PRRC1: variants seen among roughly 807,000 people sequenced by gnomAD.
PRRC1 encodes the protein proline rich coiled-coil 1, also known as protein PRRC1.
A neutral mutation model predicts 40.7 loss-of-function variants in PRRC1; 39 were observed. That is an observed-to-expected ratio of 0.96 (90% CI 0.74 to 1.25). The LOEUF (loss-of-function observed/expected upper bound fraction) is 1.25. Among genes scored for constraint, PRRC1 ranks in the 50% most tolerant of loss-of-function variants. The pLI, the probability that PRRC1 is intolerant of heterozygous loss-of-function variation, is 0.00. For missense variants in PRRC1, 573 were observed against 548.3 expected (o/e 1.05, Z -0.45); for synonymous variants, 175 against 193.3 (o/e 0.91, Z 0.79).
rs751989567 is a variant in PRRC1, at chr5:127,523,587, A to C, written c.103+5A>C. On this transcript the variant is annotated splice_donor_5th_base_variant and intron_variant, in intron 2 of 8. Transcript: ENST00000296666. ...CTTCTACCCCTGTTCCATTAGGTACATGTAGTTGTCTAACATCTCGTGTGT... is the reference window on the plus strand; with the variant it reads ...CTTCTACCCCTGTTCCATTAGGTACCTGTAGTTGTCTAACATCTCGTGTGT... 1 of 1,567,782 alleles carries C rather than the reference A, an allele frequency of 6.4e-7. No individual in the cohort carries two copies. The highest frequency in any genetic ancestry group is 8.7e-7 in the Non-Finnish European group (1 of 1,151,280).
In PRRC1 at chr5:127,551,968, T is replaced by G. The variant is rs1768401221; in HGVS notation, c.*52T>G. On this transcript the variant is annotated 3_prime_UTR_variant, in exon 9 of 9. Coordinates refer to ENST00000296666, the MANE Select transcript of PRRC1 (RefSeq NM_130809.5). ...CTTTCCCCCACTTTTAGCTTGATGT[T>G]AAAGAAGTGGTTGTACCTTCCTAAA... The G allele has an allele frequency of 6.2e-7, 1 of 1,609,242 alleles. No individual in the cohort carries two copies. Among genetic ancestry groups the G allele is most frequent in the African/African-American group, 1.3e-5 (1 of 74,834 alleles).
chr5:127,531,617 C>CTTTTTTTTTTTTTTTTTTTT (rs60179366), intron 5 of PRRC1, among the ~76,000 whole-genome samples: 17 of 99,678 alleles, frequency 1.7e-4, no homozygotes, highest in African/African-American at 7.9e-4. Flanking sequence ...TCTTCTTCTT[C>CTTTTTTTTTTTTTTTTTTTT]TTTTTTTTTT....
At chr5:127,540,772 C>A (rs1410474727) in intron 7 of PRRC1, among the ~76,000 whole-genome samples, 1 of 152,100 alleles carries the variant, frequency 6.6e-6, no homozygotes, top group Non-Finnish European at 1.5e-5. Context: ...ATGTCCTTCG[C>A]CCACTTTTTG....
intron 7 of PRRC1, among the ~76,000 whole-genome samples, chr5:127,543,194 A>G (rs1293318650): frequency 1.3e-5 from 2 of 152,174 alleles, no homozygotes; most frequent in Non-Finnish European, 2.9e-5. Context: ...AATGTTGAAT[A>G]TTGGCCCCCA....
intron 3 of PRRC1, among the ~76,000 whole-genome samples, chr5:127,525,758 A>T (rs2127092795): frequency 6.6e-6 from 1 of 152,248 alleles, no homozygotes; most frequent in South Asian, 2.1e-4. Flanking sequence ...TGATTTTTTT[A>T]TGTGATATAC....
Position 127,530,334 on chromosome 5 carries a change from A to C in PRRC1, c.695A>C (p.Lys232Thr). 1 of 1,613,996 alleles carries C rather than the reference A, an allele frequency of 6.2e-7. No individual in the cohort carries two copies. The highest frequency in any genetic ancestry group is 8.5e-7 in the Non-Finnish European group (1 of 1,179,934). ...GNPMVKSVLD[K>T]TKHSVESMIT... is the part of the protein sequence containing the mutation. ...CCTATGGTGAAGTCTGTGCTTGATA[A>C]GACAAAACATTCAGTAGAAAGCATG... is the stretch of plus-strand genomic sequence containing the variant. The change falls in exon 5 of 9, where the codon AAG becomes ACG. Residue 232 changes from lysine (K) to threonine (T), a missense_variant. Coordinates refer to ENST00000296666, the MANE Select transcript of PRRC1 (RefSeq NM_130809.5).
chr5:127,544,915 C>T lies in PRRC1; in HGVS notation c.1026-2904C>T, dbSNP rs192071897. On this transcript the variant is annotated intron_variant, in intron 7 of 8. Transcript: ENST00000296666. Reference sequence around the variant, plus strand: ...TCCTGGGCCCACTGTCTGGCACTCCCTAGTGAGATGAACCTGGTACCTCAG... The same window carrying T: ...TCCTGGGCCCACTGTCTGGCACTCCTTAGTGAGATGAACCTGGTACCTCAG... Among the ~76,000 whole-genome samples, 102 of 152,332 alleles carry T rather than the reference C, an allele frequency of 6.7e-4. 2 individuals are homozygous for T. Among genetic ancestry groups the T allele is most frequent in the Non-Finnish European group, 2.5e-4 (17 of 68,026 alleles).
At chr5:127,547,684 G>A (rs1259079466) in intron 7 of PRRC1, 135 bp from the exon 8 acceptor site, 1 of 508,056 alleles carries the variant, frequency 2.0e-6, no homozygotes, top group Admixed American at 3.7e-5. Flanking sequence ...TTGTCCTTTT[G>A]CAAGTTGGTA....
intron 6 of PRRC1, among the ~76,000 whole-genome samples, chr5:127,536,108 C>T (rs1767893927): frequency 6.6e-6 from 1 of 151,922 alleles, no homozygotes; most frequent in Admixed American, 6.6e-5. Flanking sequence ...GTGGTCTGTC[C>T]TTACACACAG....
intron 4 of PRRC1, among the ~76,000 whole-genome samples, chr5:127,528,807 C>T (rs10045436): frequency 3.9e-5 from 6 of 152,246 alleles, no homozygotes; most frequent in South Asian, 2.1e-4. Flanking sequence ...TCCAGCTACT[C>T]AATGGAGTAT....
chr5:127,545,538 A>T (rs1768192750), intron 7 of PRRC1, among the ~76,000 whole-genome samples: 1 of 151,312 alleles, frequency 6.6e-6, no homozygotes, highest in Admixed American at 6.6e-5. Flanking sequence ...TCACAAGGAC[A>T]AAAAACCAAA....
Position 127,551,904 on chromosome 5 carries a change from C to CTGTGAG in PRRC1, c.1326_1327insTGTGAG (p.Pro442_Arg443insCysGlu). ...GCATGTATAAACAGCGCCTGCCACC[C>CTGTGAG]AGGACAGTGTGAGAGGAGACCTACC... On this transcript the variant is annotated inframe_insertion, in exon 9 of 9. Coordinates refer to ENST00000296666, the MANE Select transcript of PRRC1 (RefSeq NM_130809.5). The CTGTGAG allele has an allele frequency of 6.2e-7, 1 of 1,614,046 alleles. No individual in the cohort carries two copies. Among genetic ancestry groups the CTGTGAG allele is most frequent in the Non-Finnish European group, 8.5e-7 (1 of 1,179,972 alleles).
chr5:127,545,124 A>C (rs1768176767), intron 7 of PRRC1, among the ~76,000 whole-genome samples: 1 of 152,120 alleles, frequency 6.6e-6, no homozygotes, highest in South Asian at 2.1e-4. Flanking sequence ...AATCATTAAA[A>C]AGTCAGGAAA....
At chr5:127,543,102 T>G (rs1768098683) in intron 7 of PRRC1, among the ~76,000 whole-genome samples, 1 of 151,858 alleles carries the variant, frequency 6.6e-6, no homozygotes, top group Admixed American at 6.6e-5. Flanking sequence ...TGCTTGTCTG[T>G]AAAGTATTTT....
At chr5:127,522,897 A>G (rs1767497295) in intron 1 of PRRC1, among the ~76,000 whole-genome samples, 1 of 152,016 alleles carries the variant, frequency 6.6e-6, no homozygotes, top group South Asian at 2.1e-4. Flanking sequence ...CAGCCTCCCA[A>G]AGTCCTGGGA....
intron 7 of PRRC1, among the ~76,000 whole-genome samples, chr5:127,544,412 G>C (rs1001358872): frequency 1.3e-5 from 2 of 152,208 alleles, no homozygotes. Context: ...CTTCAAAGCT[G>C]TCAGACAGGG....
rs764193190 is a variant in PRRC1, at chr5:127,551,893, C to T, written c.1315C>T (p.Arg439Cys). 3.0e-5 allele frequency: 49 copies of T among 1,613,914 alleles called. No homozygotes were observed. The highest frequency in any genetic ancestry group is 6.6e-5 in the South Asian group (6 of 91,078). ...ARAIAGMYKQ[R>C]LPPRTV Reference sequence around the variant, plus strand: ...AGCGATAGCGGGCATGTATAAACAGCGCCTGCCACCCAGGACAGTGTGAGA... The same window carrying T: ...AGCGATAGCGGGCATGTATAAACAGTGCCTGCCACCCAGGACAGTGTGAGA... Residue 439 changes from arginine to cysteine, a missense_variant, in exon 9 of 9, where the codon CGC (arginine) becomes TGC (cysteine). Transcript: ENST00000296666.
chr5:127,524,436 T>G, intron 2 of PRRC1, 95 bp from the exon 3 acceptor site: 1 of 1,260,768 alleles, frequency 7.9e-7, no homozygotes, highest in South Asian at 1.6e-5. Context: ...TTTGGTAAGT[T>G]AAAAATTTTG....
At chr5:127,541,625 T>G (rs963302847) in intron 7 of PRRC1, among the ~76,000 whole-genome samples, 16 of 152,334 alleles carry the variant, frequency 1.1e-4, no homozygotes, top group African/African-American at 3.4e-4. Context: ...ATCGAGGAAT[T>G]TATCCATTTC....
Sources: allele counts gnomAD v4.1 joint callset (sites outside exome capture counted in the v4.1 genomes callset), GRCh38; gene constraint gnomAD v4.1.1; transcripts MANE v1.5; gene names NCBI Gene and HGNC (gene_info 2026-07-23, HGNC 2026-07-21).